MED23: variants seen among roughly 807,000 people sequenced by gnomAD.
MED23 encodes the protein mediator of RNA polymerase II transcription subunit 23.
A neutral mutation model predicts 163.9 loss-of-function variants in MED23; 105 were observed. The ratio of observed to expected loss-of-function variants is 0.64; its 90% confidence interval spans 0.55 to 0.75. The LOEUF (loss-of-function observed/expected upper bound fraction) is 0.75. MED23 is among the 30% of genes least tolerant of loss of function. The pLI, the probability that MED23 is intolerant of heterozygous loss-of-function variation, is 0.00. For synonymous variants in MED23, 561 were observed against 565.6 expected (o/e 0.99, Z 0.12); for missense variants, 1,054 against 1,649.0 (o/e 0.64, Z 6.25).
At chr6:131,617,942 C>T (rs1362877086) in intron 9 of MED23, among the ~76,000 whole-genome samples, 5 of 152,120 alleles carry the variant, frequency 3.3e-5, no homozygotes, top group Non-Finnish European at 1.5e-5. Flanking sequence ...ATTTTCTGCT[C>T]GGAAATGTAA....
In MED23 at chr6:131,596,095, A is replaced by G; in HGVS notation, c.2847T>C (p.Ser949=). 1 of 1,614,144 alleles carries G rather than the reference A, an allele frequency of 6.2e-7. No homozygotes were observed. Among genetic ancestry groups the G allele is most frequent in the Non-Finnish European group, 8.5e-7 (1 of 1,180,000 alleles). The change falls in exon 22 of 29, where the codon TCT becomes TCC. Residue 949 remains serine (S), a synonymous_variant. Transcript: ENST00000368068. ...EQVDPPVQIQ[S]PYLPIYFGNV... The stretch of plus-strand genomic sequence containing the variant: ...TCCCAAAATAGATGGGCAGATAGGG[A>G]GACTGGATCTGTACAGGAGGATCCA...
chr6:131,583,745 T>A, downstream of MED23: 1 of 1,613,766 alleles, frequency 6.2e-7, no homozygotes, highest in Non-Finnish European at 8.5e-7. Flanking sequence ...GTTGTAGGGC[T>A]ACTCTCAGGA....
At position 131,594,142 on chromosome 6, in the gene MED23, T is replaced by C. The variant is rs1282093461; in HGVS notation, c.3189A>G (p.Pro1063=). 4 of 1,614,068 alleles carry C rather than the reference T, an allele frequency of 2.5e-6. No homozygotes were observed. Among genetic ancestry groups the C allele is most frequent in the Non-Finnish European group, 3.4e-6 (4 of 1,180,026 alleles). Residue 1063 remains proline, a synonymous_variant, in exon 23 of 29, where the codon CCA becomes CCG. Coordinates refer to ENST00000368068, the MANE Select transcript of MED23 (RefSeq NM_004830.4). ...TCAATCTGCAATAGTAGGTGTCATC[T>C]GGAACCCAAGGATTTTCCTCTCGTG... ...MNAREENPWV[P]DDTYYCRLIG...
At chr6:131,616,628 G>A (rs1224278950) in intron 9 of MED23, among the ~76,000 whole-genome samples, 1 of 152,076 alleles carries the variant, frequency 6.6e-6, no homozygotes, top group Non-Finnish European at 1.5e-5. Context: ...AGGCCAGCCT[G>A]GGCAATATGG....
chr6:131,627,510 G>C (rs1432955850), intron 2 of MED23, 27 bp from the exon 3 acceptor site: 16 of 1,601,270 alleles, frequency 1.0e-5, no homozygotes, highest in Non-Finnish European at 1.4e-5. Flanking sequence ...TACATTATTT[G>C]TCATTCGTTT....
intron 25 of MED23, chr6:131,592,077 C>T (rs1774684335): frequency 7.8e-6 from 3 of 384,400 alleles, no homozygotes; most frequent in Non-Finnish European, 9.5e-6. Context: ...AGATATACAA[C>T]ACGTTAAGTG....
chr6:131,624,206 G>A (rs772382185), intron 4 of MED23, among the ~76,000 whole-genome samples: 5 of 152,148 alleles, frequency 3.3e-5, no homozygotes, highest in Admixed American at 3.3e-4. Context: ...GAAAGTCTAC[G>A]TTCTCACTCC....
At chr6:131,607,876 A>C in intron 12 of MED23, 52 bp downstream of exon 12, 1 of 1,573,228 alleles carries the variant, frequency 6.4e-7, no homozygotes, top group Admixed American at 1.7e-5. Context: ...AACATAAATT[A>C]GACATAATTT....
chr6:131,612,432 A>G (rs1009471727), intron 10 of MED23, among the ~76,000 whole-genome samples: 7 of 152,118 alleles, frequency 4.6e-5, no homozygotes, highest in Admixed American at 1.3e-4. Context: ...AAAGTGGAAC[A>G]AACATTTGTA....
Position 131,598,428 on chromosome 6 carries a change from A to G in MED23, c.2466T>C (p.His822=). The change falls in exon 20 of 29, where the codon CAT becomes CAC. Residue 822 remains histidine, a synonymous_variant. Transcript: ENST00000368068. This position sits in a 1 kb window ranked among gnomAD's most constrained non-coding sequence, Gnocchi z 4.7. ...CCAGGAAATCTGCAAATGTCCTCAC[A>G]TGGGCTACCAAGGCCCTGGCTCCAA... ...ERIGARALVA[H]VRTFADFLVY... is the part of the protein sequence containing the mutation. 2 of 1,614,192 alleles carry G rather than the reference A, an allele frequency of 1.2e-6. No homozygotes were observed. The highest frequency in any genetic ancestry group is 1.7e-6 in the Non-Finnish European group (2 of 1,180,032).
intron 21 of MED23, 135 bp from the exon 22 acceptor site, chr6:131,596,298 T>C: frequency 1.1e-6 from 1 of 923,444 alleles, no homozygotes. Context: ...ATACTTTACT[T>C]CTTTTTATAG....
At chr6:131,583,935 A>T (rs1479102307), downstream of MED23, 14 of 1,568,596 alleles carry the variant, frequency 8.9e-6, no homozygotes, top group Non-Finnish European at 1.2e-5. Context: ...TATAAATCTC[A>T]TAGTTAATGG....
chr6:131,578,988 T>C (rs997503148), intron 30 of MED23: 8 of 1,140,584 alleles, frequency 7.0e-6, no homozygotes, highest in Non-Finnish European at 8.7e-6. Flanking sequence ...TTACAGACCT[T>C]TCAGGTTTTT....
intron 30 of MED23, among the ~76,000 whole-genome samples, chr6:131,580,058 AAAT>A (rs1202435030): frequency 2.0e-5 from 3 of 152,184 alleles, no homozygotes; most frequent in Admixed American, 6.5e-5. Context: ...TCACCATTAC[AAAT>A]AATGTGGCAA....
chr6:131,599,301 G>A (rs955711573), intron 18 of MED23, among the ~76,000 whole-genome samples: 17 of 152,300 alleles, frequency 1.1e-4, no homozygotes, highest in African/African-American at 3.8e-4. Context: ...AAAACCAAAT[G>A]CTCTAGCCCT....
At chr6:131,621,150 T>C (rs1051512906) in intron 6 of MED23, among the ~76,000 whole-genome samples, 4 of 152,108 alleles carry the variant, frequency 2.6e-5, no homozygotes, top group Non-Finnish European at 5.9e-5. Context: ...AAAAAAGACA[T>C]TAAAAAGTAG....
chr6:131,600,708 T>TTTG (rs1387613335), intron 17 of MED23, among the ~76,000 whole-genome samples: 1 of 152,150 alleles, frequency 6.6e-6, no homozygotes, highest in Non-Finnish European at 1.5e-5. Flanking sequence ...CCAATAGCCC[T>TTTG]TCAAAGATTC....
rs144609640 is a variant in MED23, at chr6:131,619,048, G to A, written c.668-529C>T. 4.0e-3 allele frequency among the ~76,000 whole-genome samples: 616 copies of A among 152,202 alleles called. 5 individuals are homozygous for A. Among genetic ancestry groups the A allele is most frequent in the African/African-American group, 0.014 (576 of 41,528 alleles). On this transcript the variant is annotated intron_variant, in intron 8 of 28. Transcript: ENST00000368068. ...TACATCCAACTGCCTAACAAATATC[G>A]TCACTTGGATGTCCTACAAGCACCT... is the stretch of plus-strand genomic sequence containing the variant.
In MED23 at chr6:131,594,365, G is replaced by A. The variant is rs749819428; in HGVS notation, c.2996-30C>T. On this transcript the variant is annotated intron_variant, in intron 22 of 28. Transcript: ENST00000368068. ...CAAGAAAAAAACATACCACCACAAT[G>A]TTTAACTGGTTACTAATAACTGTGA... The A allele has an allele frequency of 8.8e-6, 13 of 1,477,876 alleles. No individual in the cohort carries two copies. In the South Asian group the frequency reaches 1.5e-4, roughly 17 times the overall value. The allele number at this position is 1,477,876 out of a possible 1,614,324, so 91.5% of individuals were successfully genotyped here.
Sources: allele counts gnomAD v4.1 joint callset (sites outside exome capture counted in the v4.1 genomes callset), GRCh38; gene constraint gnomAD v4.1.1; non-coding constraint Gnocchi (gnomAD v3.1); transcripts MANE v1.5; gene names NCBI Gene and HGNC (gene_info 2026-07-23, HGNC 2026-07-21).